The following PRH1 variants were observed in gnomAD, a reference collection of about 807,000 sequenced individuals.
PRH1 encodes the protein proline rich protein HaeIII subfamily 1, also known as salivary acidic proline-rich phosphoprotein 1/2.
PRH1 carries 7 observed loss-of-function variants against 7.9 expected under a neutral mutation model. The observed-to-expected ratio is 0.89, with a 90% CI of 0.50 to 1.67. PRH1 has a LOEUF of 1.67. Among genes scored for constraint, PRH1 ranks in the 40% most tolerant of loss-of-function variants. The pLI, the probability that PRH1 is intolerant of heterozygous loss-of-function variation, is 0.00. For synonymous variants in PRH1, 45 were observed against 80.8 expected (o/e 0.56, Z 2.38); for missense variants, 109 against 223.6 (o/e 0.49, Z 3.27).
chr12:10,949,897 C>T (rs909722905), intron 2 of PRH1, among the ~76,000 whole-genome samples: 19 of 152,028 alleles, frequency 1.2e-4, no homozygotes, highest in African/African-American at 4.1e-4. Flanking sequence ...TTATATGTTT[C>T]GTTTTAGAGT....
At chr12:11,014,548 C>A (rs1377327680) in intron 1 of PRH1, among the ~76,000 whole-genome samples, 1 of 152,092 alleles carries the variant, frequency 6.6e-6, no homozygotes, top group African/African-American at 2.4e-5. Context: ...AAGAGCAAGC[C>A]TTTTCACTTC....
intron 1 of PRH1, chr12:11,061,621 A>T: frequency 1.2e-6 from 2 of 1,614,096 alleles, no homozygotes; most frequent in Non-Finnish European, 1.7e-6. Context: ...CAAAGCTTTT[A>T]TGTGGACCTT....
chr12:11,059,354 T>C (rs1013530419), intron 1 of PRH1, among the ~76,000 whole-genome samples: 5 of 152,210 alleles, frequency 3.3e-5, no homozygotes, highest in East Asian at 1.9e-4. Flanking sequence ...CTGTCTCAAT[T>C]TCCACATATC....
chr12:10,972,593 T>C (rs1938869768), intron 2 of PRH1, among the ~76,000 whole-genome samples: 1 of 152,194 alleles, frequency 6.6e-6, no homozygotes, highest in African/African-American at 2.4e-5. Context: ...ATATTCTCTT[T>C]CATTGTTTTG....
intron 1 of PRH1, among the ~76,000 whole-genome samples, chr12:11,009,425 A>C (rs1272138551): frequency 6.6e-6 from 1 of 151,940 alleles, no homozygotes; most frequent in Non-Finnish European, 1.5e-5. Context: ...TAGAGATGGA[A>C]ATATATACAT....
intron 1 of PRH1, among the ~76,000 whole-genome samples, chr12:11,042,388 C>T (rs1006150477): frequency 6.7e-6 from 1 of 149,508 alleles, no homozygotes; most frequent in African/African-American, 2.5e-5. Flanking sequence ...TTCCTAGACA[C>T]ATACAACCTA....
intron 1 of PRH1, among the ~76,000 whole-genome samples, chr12:11,100,973 C>T (rs1032332526): frequency 6.6e-6 from 1 of 152,006 alleles, no homozygotes; most frequent in African/African-American, 2.4e-5. Context: ...ATTTTTAATA[C>T]ATTTAATTTA....
intron 1 of PRH1, among the ~76,000 whole-genome samples, chr12:11,085,049 T>G (rs1944638995): frequency 8.7e-6 from 1 of 114,574 alleles, no homozygotes; most frequent in Non-Finnish European, 2.1e-5. Context: ...CTTGATGTCC[T>G]GACCTCGTGA....
chr12:11,031,208 A>G, intron 1 of PRH1: 1 of 1,614,182 alleles, frequency 6.2e-7, no homozygotes, highest in Non-Finnish European at 8.5e-7. Context: ...CTGGTCAGCA[A>G]AAGAGATCTT....
intron 1 of PRH1, among the ~76,000 whole-genome samples, chr12:10,995,156 G>A (rs1253522159): frequency 2.0e-5 from 3 of 151,966 alleles, no homozygotes; most frequent in African/African-American, 7.3e-5. Flanking sequence ...ATTTTCATTG[G>A]TTCACCACCC....
intron 1 of PRH1, among the ~76,000 whole-genome samples, chr12:11,065,922 G>T (rs1182766454): frequency 6.6e-6 from 1 of 152,132 alleles, no homozygotes; most frequent in Admixed American, 6.5e-5. Flanking sequence ...TCTCCTCACA[G>T]GGAAATTCAG....
chr12:11,164,752 A>G (rs1242938850), intron 1 of PRH1, among the ~76,000 whole-genome samples: 1 of 152,218 alleles, frequency 6.6e-6, no homozygotes, highest in African/African-American at 2.4e-5. Context: ...TCAAAAAAAA[A>G]AATGCTTCTT....
chr12:11,036,273 C>T (rs1349439508), intron 1 of PRH1, among the ~76,000 whole-genome samples: 2 of 152,208 alleles, frequency 1.3e-5, no homozygotes, highest in East Asian at 1.9e-4. Context: ...ACAGTACTTA[C>T]GAGTTTATCA....
At chr12:10,944,962 A>G (rs937984011) in intron 2 of PRH1, among the ~76,000 whole-genome samples, 1 of 151,996 alleles carries the variant, frequency 6.6e-6, no homozygotes, top group African/African-American at 2.4e-5. Flanking sequence ...CAGTTTGCAA[A>G]GGTTTTGTTG....
At chr12:10,889,540 T>A (rs1949541144) in intron 2 of PRH1, among the ~76,000 whole-genome samples, 1 of 152,200 alleles carries the variant, frequency 6.6e-6, no homozygotes, top group East Asian at 1.9e-4. Flanking sequence ...CTTGAATCTG[T>A]AGGTTTATGC....
At chr12:11,011,263 G>T (rs1941057876) in intron 1 of PRH1, among the ~76,000 whole-genome samples, 2 of 152,030 alleles carry the variant, frequency 1.3e-5, no homozygotes, top group African/African-American at 4.8e-5. Context: ...CCTGATTTCT[G>T]AATGTGCAGT....
At chr12:10,909,925 T>G (rs1949870929) in intron 2 of PRH1, among the ~76,000 whole-genome samples, 1 of 152,184 alleles carries the variant, frequency 6.6e-6, no homozygotes, top group African/African-American at 2.4e-5. Context: ...CCCTGCCTCA[T>G]CACTACTTAG....
intron 1 of PRH1, among the ~76,000 whole-genome samples, chr12:11,002,656 C>A (rs1002109498): frequency 1.3e-5 from 2 of 152,050 alleles, no homozygotes; most frequent in Non-Finnish European, 2.9e-5. Context: ...ATCTCAGCTA[C>A]TGTCACTAAA....
intron 2 of PRH1, among the ~76,000 whole-genome samples, chr12:10,945,671 G>A (rs1196308025): frequency 2.0e-5 from 3 of 152,156 alleles, no homozygotes; most frequent in Non-Finnish European, 4.4e-5. Context: ...CAGGAGACAG[G>A]GTTTGAGAGC....
Sources: allele counts gnomAD v4.1 joint callset (sites outside exome capture counted in the v4.1 genomes callset), GRCh38; gene constraint gnomAD v4.1.1; transcripts MANE v1.5; gene names NCBI Gene and HGNC (gene_info 2026-07-23, HGNC 2026-07-21).